DOCK10: variants seen among roughly 807,000 people sequenced by gnomAD.
DOCK10 encodes dedicator of cytokinesis 10.
Under a neutral mutation model 280.1 loss-of-function variants are expected in DOCK10, and 145 were observed. That is an observed-to-expected ratio of 0.52 (90% confidence interval 0.45 to 0.59). The LOEUF (loss-of-function observed/expected upper bound fraction) is 0.59, where lower values mean the gene tolerates loss of function less well. Among genes scored for constraint, DOCK10 ranks in the 20% least tolerant of loss-of-function variants. The probability of loss-of-function intolerance (pLI) is 0.00; values close to 1 mark genes in which losing one functional copy is unlikely to be tolerated. For missense variants in DOCK10, 2,368 were observed against 2,651.7 expected, an observed-to-expected ratio of 0.89 and a Z score of 2.35; for synonymous variants, 915 against 942.2, an observed-to-expected ratio of 0.97 and a Z score of 0.53.
intron 1 of DOCK10, among the ~76,000 whole-genome samples, chr2:225,014,869 G>T (rs1243659527): frequency 6.6e-6 from 1 of 152,028 alleles, no homozygotes; most frequent in African/African-American, 2.4e-5. Context: ...TTTCTAATTG[G>T]TCGTTAAAAA....
At chr2:224,817,581 A>G (rs901098274) in intron 29 of DOCK10, among the ~76,000 whole-genome samples, 4 of 152,240 alleles carry the variant, frequency 2.6e-5, no homozygotes, top group African/African-American at 9.6e-5. Context: ...GAACAGGAGC[A>G]TTATTAAATT....
chr2:224,814,045 T>C (rs917328776), intron 31 of DOCK10, among the ~76,000 whole-genome samples: 12 of 152,224 alleles, frequency 7.9e-5, no homozygotes, highest in African/African-American at 2.9e-4. Context: ...TATCTGGGAA[T>C]TTCATTTATG....
Position 224,770,421 on chromosome 2 carries a change from CAG to C in DOCK10, c.6306-74_6306-73del. On this transcript the variant is annotated intron_variant, in intron 54 of 55. Transcript: ENST00000258390. The surrounding 1 kb of genome is among the most constrained non-coding windows in gnomAD (Gnocchi z 4.5). ...GCATTGAGCTCAGTGACTGTGAGTTCAGAGTCAGGCTGCTGATGGACTCTGCC... is the reference window on the plus strand; with the variant it reads ...GCATTGAGCTCAGTGACTGTGAGTTCAGTCAGGCTGCTGATGGACTCTGCC... 1.9e-6 allele frequency: 3 copies of C among 1,561,454 alleles called. No individual in the cohort carries two copies. Among genetic ancestry groups the C allele is most frequent in the Non-Finnish European group, 1.7e-6 (2 of 1,151,112 alleles).
At chr2:224,771,713 G>T (rs1690452157) in intron 53 of DOCK10, among the ~76,000 whole-genome samples, 1 of 152,174 alleles carries the variant, frequency 6.6e-6, no homozygotes, top group African/African-American at 2.4e-5. Context: ...CACTGGTACT[G>T]GGTGTACCAT....
At position 224,805,306 on chromosome 2, in the gene DOCK10, C is replaced by G; in HGVS notation, c.3951G>C (p.Leu1317Phe). Residue 1317 changes from leucine (L) to phenylalanine (F), a missense_variant, in exon 36 of 56, where the codon TTG becomes TTC. Physicochemically the swap from Leu to Phe is conservative, Grantham distance 22. Coordinates refer to ENST00000258390, the MANE Select transcript of DOCK10 (RefSeq NM_014689.3). The surrounding 1 kb of genome is among the most constrained non-coding windows in gnomAD (Gnocchi z 4.3). ...ATCGAAGAGTTGAGCCAATCAAAGA[C>G]AAGGGTCTTGGGATCTGGGAATTCA... ...TDNCEKIPRP[L>F]SLIGSTLRFD... is the part of the protein sequence containing the mutation. 6.2e-7 allele frequency: 1 copy of G among 1,612,940 alleles called. No homozygotes were observed. The highest frequency in any genetic ancestry group is 8.5e-7 in the Non-Finnish European group (1 of 1,179,308).
intron 31 of DOCK10, among the ~76,000 whole-genome samples, chr2:224,813,081 T>C (rs1295182685): frequency 5.3e-5 from 8 of 152,244 alleles, no homozygotes; most frequent in African/African-American, 1.9e-4. Flanking sequence ...TAGGCCTTAA[T>C]TGTTCTCATC....
At chr2:225,012,626 C>G (rs1047218007) in intron 1 of DOCK10, among the ~76,000 whole-genome samples, 1 of 152,116 alleles carries the variant, frequency 6.6e-6, no homozygotes, top group Non-Finnish European at 1.5e-5. Context: ...ACATATAGCT[C>G]CCTAGAGTTA....
At position 224,921,103 on chromosome 2, in the gene DOCK10, A is replaced by AT. The variant is rs1701685670; in HGVS notation, c.244-4320_244-4319insA. 8.8e-4 allele frequency among the ~76,000 whole-genome samples: 52 copies of AT among 59,348 alleles called. 1 individual carries two copies. Among genetic ancestry groups the AT allele is most frequent in the African/African-American group, 3.2e-3 (49 of 15,198 alleles). 38.9% of individuals were successfully genotyped at this position (59,348 alleles called of 152,430 possible). On this transcript the variant is annotated intron_variant, in intron 2 of 55. Coordinates refer to ENST00000258390, the MANE Select transcript of DOCK10 (RefSeq NM_014689.3). ...AACACCGTCTCTATTAAAAAAAAAA[A>AT]AAAAAAAAAATATATATATATATAT...
At chr2:224,853,638 A>G (rs1320043431) in intron 16 of DOCK10, among the ~76,000 whole-genome samples, 1 of 152,198 alleles carries the variant, frequency 6.6e-6, no homozygotes, top group African/African-American at 2.4e-5. Flanking sequence ...TCATCAGTAG[A>G]TACGGTTTAT....
chr2:224,937,275 T>C (rs1273233626), intron 1 of DOCK10, among the ~76,000 whole-genome samples: 1 of 152,148 alleles, frequency 6.6e-6, no homozygotes, highest in East Asian at 1.9e-4. Context: ...CAGCTGATAT[T>C]GGGATAAATG....
At chr2:224,795,460 G>T (rs780721967) in intron 44 of DOCK10, among the ~76,000 whole-genome samples, 1 of 152,164 alleles carries the variant, frequency 6.6e-6, no homozygotes, top group Non-Finnish European at 1.5e-5. Flanking sequence ...TCTATTTTTT[G>T]ATCCTCCAAG....
At chr2:224,958,038 A>T (rs1283164976) in intron 1 of DOCK10, among the ~76,000 whole-genome samples, 1 of 152,150 alleles carries the variant, frequency 6.6e-6, no homozygotes, top group Non-Finnish European at 1.5e-5. Context: ...CTTGCCAGGT[A>T]CCTCTGGGTG....
chr2:224,929,267 T>C (rs1467676460), intron 2 of DOCK10, among the ~76,000 whole-genome samples: 1 of 152,222 alleles, frequency 6.6e-6, no homozygotes, highest in Non-Finnish European at 1.5e-5. Flanking sequence ...AAAGGTAAGC[T>C]CCCTTAGAAC....
chr2:224,820,650 T>C (rs991814342), intron 28 of DOCK10, among the ~76,000 whole-genome samples: 1 of 152,218 alleles, frequency 6.6e-6, no homozygotes, highest in Admixed American at 6.5e-5. Flanking sequence ...AATCTTGCTA[T>C]GGAGAGTGGA....
intron 26 of DOCK10, among the ~76,000 whole-genome samples, chr2:224,831,184 C>T (rs1366666194): frequency 6.6e-6 from 1 of 152,144 alleles, no homozygotes; most frequent in Non-Finnish European, 1.5e-5. Context: ...ATCCTCCCGC[C>T]TCAGCCTCCC....
intron 1 of DOCK10, among the ~76,000 whole-genome samples, chr2:224,936,049 T>C (rs1455504000): frequency 6.6e-6 from 1 of 152,182 alleles, no homozygotes; most frequent in Non-Finnish European, 1.5e-5. Flanking sequence ...CCAGAGCTGC[T>C]GTTCCAAACA....
chr2:224,882,929 C>T (rs1488259481), intron 7 of DOCK10, among the ~76,000 whole-genome samples: 2 of 152,206 alleles, frequency 1.3e-5, no homozygotes, highest in South Asian at 2.1e-4. Context: ...GGGACCCACA[C>T]ACAAAGTGAC....
intron 1 of DOCK10, among the ~76,000 whole-genome samples, chr2:225,014,027 C>T (rs1453728833): frequency 6.7e-6 from 1 of 149,694 alleles, no homozygotes; most frequent in African/African-American, 2.4e-5. Flanking sequence ...TAGACCACAG[C>T]CATGATTTAG....
chr2:225,003,634 T>C (rs958112155), intron 1 of DOCK10, among the ~76,000 whole-genome samples: 1 of 152,344 alleles, frequency 6.6e-6, no homozygotes, highest in South Asian at 2.1e-4. Flanking sequence ...AGTTTCAAAT[T>C]AAAAGTTTTA....
Sources: allele counts gnomAD v4.1 joint callset (sites outside exome capture counted in the v4.1 genomes callset), GRCh38; gene constraint gnomAD v4.1.1; non-coding constraint Gnocchi (gnomAD v3.1); transcripts MANE v1.5; gene names NCBI Gene and HGNC (gene_info 2026-07-23, HGNC 2026-07-21).